The following CLMN variants were observed in gnomAD, a reference collection of about 807,000 sequenced individuals.
CLMN encodes calmin.
In CLMN, 57 loss-of-function variants were observed where a neutral mutation model predicts 92.7. The ratio of observed to expected loss-of-function variants is 0.61; its 90% CI spans 0.50 to 0.77. The LOEUF (loss-of-function observed/expected upper bound fraction) is 0.77, where lower values mean the gene tolerates loss of function less well. Among genes scored for constraint, CLMN ranks in the 30% least tolerant of loss-of-function variants. The pLI, the probability that CLMN is intolerant of heterozygous loss-of-function variation, is 0.00. For synonymous variants in CLMN, 466 were observed against 470.6 expected (o/e 0.99, Z 0.13); for missense variants, 1,158 against 1,237.5 (o/e 0.94, Z 0.96).
intron 8 of CLMN, among the ~76,000 whole-genome samples, chr14:95,207,923 G>A (rs531912167): frequency 6.6e-6 from 1 of 152,204 alleles, no homozygotes; most frequent in South Asian, 2.1e-4. Context: ...GAAACACAGA[G>A]GGTCCAAACC....
At chr14:95,307,715 G>GGCCAGCTCTCTCTTGGAGAGA (rs113243615) in intron 1 of CLMN, 1 of 152,186 alleles carries the variant, frequency 6.6e-6, no homozygotes. Context: ...TCACAGGCCA[G>GGCCAGCTCTCTCTTGGAGAGA]GCCAGCTCTC....
intron 5 of CLMN, 96 bp from the exon 6 acceptor site, chr14:95,213,505 G>A (rs1449436007): frequency 8.8e-7 from 1 of 1,142,786 alleles, no homozygotes; most frequent in Non-Finnish European, 1.2e-6. Context: ...TGGCTGGAGG[G>A]ACCGGCTCAG....
intron 8 of CLMN, among the ~76,000 whole-genome samples, chr14:95,207,355 AG>A (rs1897074707): frequency 1.3e-5 from 2 of 152,190 alleles, no homozygotes; most frequent in Admixed American, 1.3e-4. Context: ...CCTGGGCTCA[AG>A]CAATCCTCCT....
chr14:95,307,736 A>G (rs887819803), intron 1 of CLMN: 15 of 150,196 alleles, frequency 1.0e-4, no homozygotes, highest in Admixed American at 9.9e-4. Flanking sequence ...TCTTGGAGAG[A>G]GCCAGCTCTC....
rs79069928 is a variant in CLMN at position 95,251,654 on chromosome 14, G to T, written c.83-21521C>A. On this transcript the variant is annotated intron_variant, in intron 1 of 12. Transcript: ENST00000298912. The stretch of plus-strand genomic sequence containing the variant: ...AAAGGTAAAGGAATTTTATGCTCAG[G>T]GTCACACACATAAAAATGATATTCT... Among the ~76,000 whole-genome samples the T allele has an allele frequency of 7.7e-3, 1,165 of 152,132 alleles. 22 individuals carry two copies. The highest frequency in any genetic ancestry group is 0.027 in the African/African-American group (1,108 of 41,498).
intron 1 of CLMN, among the ~76,000 whole-genome samples, chr14:95,274,549 G>A (rs73333275): frequency 1.1e-3 from 174 of 152,276 alleles, no homozygotes; most frequent in African/African-American, 3.7e-3. Flanking sequence ...GGCCCTGGTC[G>A]CTGGATAGAA....
chr14:95,196,907 C>T (rs1896732765), intron 9 of CLMN, among the ~76,000 whole-genome samples: 1 of 152,192 alleles, frequency 6.6e-6, no homozygotes, highest in Non-Finnish European at 1.5e-5. Context: ...TCAAATGCTA[C>T]AAATTGATGG....
chr14:95,280,927 A>G (rs543725453), intron 1 of CLMN, among the ~76,000 whole-genome samples: 2 of 152,158 alleles, frequency 1.3e-5, no homozygotes, highest in Non-Finnish European at 2.9e-5. Flanking sequence ...TGGCTGCCCT[A>G]AGACTTTTTG....
At chr14:95,242,253 T>TC (rs1898275214) in intron 1 of CLMN, among the ~76,000 whole-genome samples, 1 of 84,118 alleles carries the variant, frequency 1.2e-5, no homozygotes, top group African/African-American at 8.4e-5. Context: ...TCTTTTTCTT[T>TC]TTTTTTTTTT....
At chr14:95,193,175 T>C in intron 12 of CLMN, 1 of 590,374 alleles carries the variant, frequency 1.7e-6, no homozygotes, top group South Asian at 2.2e-5. Flanking sequence ...ATAAAGCAAC[T>C]CTATGACTTC....
intron 1 of CLMN, among the ~76,000 whole-genome samples, chr14:95,278,483 C>T (rs904675848): frequency 6.6e-6 from 1 of 152,018 alleles, no homozygotes; most frequent in Non-Finnish European, 1.5e-5. Context: ...CCCGAGACTC[C>T]TGGCAAAAAA....
intron 1 of CLMN, among the ~76,000 whole-genome samples, chr14:95,302,609 C>T (rs925766533): frequency 6.6e-6 from 1 of 152,108 alleles, no homozygotes. Context: ...AAACACATTC[C>T]TCTTTTACTT....
At chr14:95,277,245 A>G (rs1234215880) in intron 1 of CLMN, among the ~76,000 whole-genome samples, 1 of 152,254 alleles carries the variant, frequency 6.6e-6, no homozygotes, top group African/African-American at 2.4e-5. Flanking sequence ...TCACTCTGTC[A>G]TAAAAGGTGT....
intron 1 of CLMN, among the ~76,000 whole-genome samples, chr14:95,255,352 C>T (rs1447100024): frequency 6.6e-6 from 1 of 152,144 alleles, no homozygotes; most frequent in Non-Finnish European, 1.5e-5. Flanking sequence ...GAGTATGGTG[C>T]AAGAAGATGT....
At chr14:95,263,334 C>A (rs534921812) in intron 1 of CLMN, among the ~76,000 whole-genome samples, 1 of 152,272 alleles carries the variant, frequency 6.6e-6, no homozygotes, top group East Asian at 1.9e-4. Context: ...ATGGGGGTAA[C>A]TGCTCCCATG....
At chr14:95,192,449 G>C (rs1896583993) in intron 12 of CLMN, 1 of 152,212 alleles carries the variant, frequency 6.6e-6, no homozygotes, top group Admixed American at 6.5e-5. Context: ...GCCTCTGCTT[G>C]GAGCTGCATG....
At chr14:95,250,501 A>G (rs559212872) in intron 1 of CLMN, among the ~76,000 whole-genome samples, 1 of 152,392 alleles carries the variant, frequency 6.6e-6, no homozygotes, top group Admixed American at 6.5e-5. Context: ...AAATAATTCA[A>G]GATAAGATGG....
At chr14:95,212,120 C>T (rs1235432510) in intron 6 of CLMN, among the ~76,000 whole-genome samples, 1 of 152,226 alleles carries the variant, frequency 6.6e-6, no homozygotes, top group African/African-American at 2.4e-5. Flanking sequence ...AAGATCCAAC[C>T]TCTCTTCCCT....
Position 95,203,082 on chromosome 14 carries a change from T to C in CLMN, c.2267A>G (p.Asp756Gly). 4 of 1,614,012 alleles carry C rather than the reference T, an allele frequency of 2.5e-6. No individual in the cohort carries two copies. The highest frequency in any genetic ancestry group is 3.4e-6 in the Non-Finnish European group (4 of 1,180,008). Residue 756 changes from aspartate to glycine, a missense_variant, in exon 9 of 13, where the codon GAT (aspartate) becomes GGT (glycine). By Grantham distance (94) the Asp-to-Gly change is moderately conservative (BLOSUM62 -1). Coordinates refer to ENST00000298912, the MANE Select transcript of CLMN (RefSeq NM_024734.4). Reference protein sequence around the residue: ...DPEDLKNEEMDLEEPEGYMPD... With the variant: ...DPEDLKNEEMGLEEPEGYMPD... ...CATATAGCCCTCTGGCTCTTCGAGA[T>C]CCATTTCTTCATTTTTTAGATCCTC...
Sources: gnomAD v4.1 joint callset for allele counts (sites outside exome capture counted in the v4.1 genomes callset) on GRCh38, gnomAD v4.1.1 for gene constraint, MANE v1.5 for transcripts, NCBI Gene and HGNC (gene_info 2026-07-23, HGNC 2026-07-21) for gene names.